MAPK4: variants seen among roughly 807,000 people sequenced by gnomAD.
MAPK4 encodes mitogen-activated protein kinase 4, also known as Erk3-related.
Under a neutral mutation model 47.7 loss-of-function variants are expected in MAPK4, and 22 were observed. The observed-to-expected ratio is 0.46, with a 90% CI of 0.33 to 0.66. The LOEUF (loss-of-function observed/expected upper bound fraction) is 0.66, where lower values mean the gene tolerates loss of function less well. MAPK4 is among the 30% of genes least tolerant of loss of function. MAPK4 has a pLI of 0.02. For missense variants in MAPK4, 736 were observed against 831.7 expected (o/e 0.88, Z 1.42); for synonymous variants, 390 against 365.7 (o/e 1.07, Z -0.76).
intron 3 of MAPK4, among the ~76,000 whole-genome samples, chr18:50,718,318 A>C (rs1474851579): frequency 1.3e-5 from 2 of 152,174 alleles, no homozygotes; most frequent in East Asian, 3.8e-4. Flanking sequence ...CCCCCATTTC[A>C]AGCGATTCTC....
At chr18:50,722,880 C>G (rs140595524) in intron 4 of MAPK4, among the ~76,000 whole-genome samples, 97 of 152,222 alleles carry the variant, frequency 6.4e-4, no homozygotes, top group African/African-American at 2.2e-3. Flanking sequence ...TCCTGAGAAC[C>G]CTTCCAGAAC....
chr18:50,667,903 C>T (rs919136356), intron 2 of MAPK4, among the ~76,000 whole-genome samples: 2 of 152,148 alleles, frequency 1.3e-5, no homozygotes, highest in Admixed American at 1.3e-4. Flanking sequence ...CATCAGATCC[C>T]ACATGTTGAG....
At chr18:50,649,568 C>T (rs2043026412) in intron 1 of MAPK4, among the ~76,000 whole-genome samples, 1 of 152,206 alleles carries the variant, frequency 6.6e-6, no homozygotes, top group Non-Finnish European at 1.5e-5. Context: ...CCAGCCTTTA[C>T]CTCTTCGTGT....
In MAPK4 at chr18:50,627,641, C is replaced by T. The variant is rs570900398; in HGVS notation, c.-870-35448C>T. Among the ~76,000 whole-genome samples the T allele has an allele frequency of 2.8e-4, 42 of 152,316 alleles. 1 individual carries two copies. The highest frequency in any genetic ancestry group is 3.4e-3 in the Middle Eastern group (1 of 294). ...CATTGAACAAACTTCCTCACAGTAA[C>T]CTGGCAAGGAGGGCAGAGCCTATGT... On this transcript the variant is annotated intron_variant, in intron 1 of 5. Transcript: ENST00000400384.
chr18:50,684,415 G>A (rs1001865112), intron 2 of MAPK4, among the ~76,000 whole-genome samples: 6 of 151,918 alleles, frequency 3.9e-5, no homozygotes, highest in Admixed American at 6.6e-5. Flanking sequence ...GCATGGTGGC[G>A]TGCACCTGTA....
intron 1 of MAPK4, among the ~76,000 whole-genome samples, chr18:50,660,981 A>G (rs1237567291): frequency 6.6e-6 from 1 of 152,022 alleles, no homozygotes. Flanking sequence ...AAAAATAAAT[A>G]AAGCACCTCT....
intron 1 of MAPK4, among the ~76,000 whole-genome samples, chr18:50,622,914 A>G (rs2042745133): frequency 6.6e-6 from 1 of 152,224 alleles, no homozygotes; most frequent in African/African-American, 2.4e-5. Flanking sequence ...AGTGACCTGT[A>G]CAGTCAGATA....
rs755971363 is a variant in MAPK4 at position 50,715,117 on chromosome 18, T to C, written c.585T>C (p.Arg195=). 2 of 1,614,162 alleles carry C rather than the reference T, an allele frequency of 1.2e-6. No individual in the cohort carries two copies. The highest frequency in any genetic ancestry group is 1.7e-6 in the Non-Finnish European group (2 of 1,180,026). The change falls in exon 3 of 6, where the codon CGT becomes CGC. Residue 195 remains arginine, a synonymous_variant. Coordinates refer to ENST00000400384, the MANE Select transcript of MAPK4 (RefSeq NM_002747.4). The part of the protein sequence containing the change: ...LSEGLVTKWY[R]SPRLLLSPNN... ...AAGGGTTGGTAACAAAGTGGTACCG[T>C]TCCCCACGACTGCTCCTTTCCCCCA...
At position 50,678,556 on chromosome 18, in the gene MAPK4, G is replaced by A. The variant is rs1010015736; in HGVS notation, c.546+14052G>A. On this transcript the variant is annotated intron_variant, in intron 2 of 5. Coordinates refer to ENST00000400384, the MANE Select transcript of MAPK4 (RefSeq NM_002747.4). The surrounding 1 kb of genome is among the most constrained non-coding windows in gnomAD (Gnocchi z 4.2). ...GGTGTTCACTCAAGGGTCCACCAGC[G>A]ACTTCCCTGTTCAGGCACTCAGAGC... 1.3e-5 allele frequency among the ~76,000 whole-genome samples: 2 copies of A among 152,166 alleles called. No individual in the cohort carries two copies. The highest frequency in any genetic ancestry group is 2.9e-5 in the Non-Finnish European group (2 of 68,036).
intron 1 of MAPK4, among the ~76,000 whole-genome samples, chr18:50,614,278 A>G (rs569470245): frequency 2.6e-5 from 4 of 152,246 alleles, no homozygotes; most frequent in Admixed American, 2.0e-4. Flanking sequence ...AAAAAATTAA[A>G]TGTGTGTCAA....
chr18:50,578,206 C>G (rs750082232), intron 1 of MAPK4, among the ~76,000 whole-genome samples: 11 of 152,154 alleles, frequency 7.2e-5, no homozygotes, highest in Non-Finnish European at 1.2e-4. Context: ...ACTGCGAGCG[C>G]TCAGCTATCC....
In MAPK4 at chr18:50,681,580, T is replaced by C. The variant is rs75609617; in HGVS notation, c.546+17076T>C. On this transcript the variant is annotated intron_variant, in intron 2 of 5. Transcript: ENST00000400384. The stretch of plus-strand genomic sequence containing the variant: ...TTCAGTTTAGGTCTTTGATCCATTT[T>C]TTAGTTGATTTTTATACATTGTATG... Among the ~76,000 whole-genome samples, 418 of 152,352 alleles carry C rather than the reference T, an allele frequency of 2.7e-3. 2 individuals are homozygous for C. The highest frequency in any genetic ancestry group is 9.3e-3 in the African/African-American group (387 of 41,590).
intron 2 of MAPK4, among the ~76,000 whole-genome samples, chr18:50,665,056 T>C (rs2144258695): frequency 6.6e-6 from 1 of 152,286 alleles, no homozygotes; most frequent in South Asian, 2.1e-4. Flanking sequence ...AGCTAATGAC[T>C]CTGTTCTCCT....
intron 1 of MAPK4, among the ~76,000 whole-genome samples, chr18:50,601,294 A>C (rs1296805846): frequency 7.4e-6 from 1 of 134,856 alleles, no homozygotes; most frequent in Non-Finnish European, 1.5e-5. Flanking sequence ...AGATTGTGCC[A>C]CTGCACTCCA....
intron 2 of MAPK4, among the ~76,000 whole-genome samples, chr18:50,697,417 T>C (rs894767): frequency 0.43 from 65,932 of 151,918 alleles, 16,189 homozygotes; most frequent in Non-Finnish European, 0.55. Flanking sequence ...AGATATTTGC[T>C]ACATTAATAA....
intron 1 of MAPK4, among the ~76,000 whole-genome samples, chr18:50,640,317 A>G (rs2144178882): frequency 6.6e-6 from 1 of 152,052 alleles, no homozygotes; most frequent in African/African-American, 2.4e-5. Flanking sequence ...AGGTCATGCC[A>G]AAGAAACTTG....
chr18:50,700,950 A>G (rs1909754163), intron 2 of MAPK4, among the ~76,000 whole-genome samples: 1 of 152,060 alleles, frequency 6.6e-6, no homozygotes, highest in Admixed American at 6.6e-5. Flanking sequence ...TAGGTGAAGG[A>G]CAGAAACACC....
chr18:50,606,437 G>A (rs564098794), intron 1 of MAPK4, among the ~76,000 whole-genome samples: 12 of 152,226 alleles, frequency 7.9e-5, no homozygotes, highest in East Asian at 7.7e-4. Flanking sequence ...GTTACATTCC[G>A]TTTACATTCA....
At chr18:50,696,022 C>T (rs980733666) in intron 2 of MAPK4, among the ~76,000 whole-genome samples, 3 of 151,644 alleles carry the variant, frequency 2.0e-5, no homozygotes, top group East Asian at 1.9e-4. Flanking sequence ...GTTTTCAGCA[C>T]AGTACTCAAG....
Sources: gnomAD v4.1 joint callset for allele counts (sites outside exome capture counted in the v4.1 genomes callset) on GRCh38, gnomAD v4.1.1 for gene constraint, Gnocchi (gnomAD v3.1) non-coding constraint, MANE v1.5 for transcripts, NCBI Gene and HGNC (gene_info 2026-07-23, HGNC 2026-07-21) for gene names.